The following TANGO2 variants were observed in gnomAD, a reference collection of about 807,000 sequenced individuals.
TANGO2 encodes transport and Golgi organization protein 2 homolog.
TANGO2 carries 26 observed loss-of-function variants against 39.1 expected under a neutral mutation model. That is an observed-to-expected ratio of 0.67 (90% CI 0.49 to 0.92). The LOEUF (loss-of-function observed/expected upper bound fraction) is 0.92. TANGO2 is among the 40% of genes least tolerant of loss of function. TANGO2 has a pLI of 0.00. For missense variants in TANGO2, 326 were observed against 360.1 expected (o/e 0.91, Z 0.77); for synonymous variants, 131 against 144.5 (o/e 0.91, Z 0.67).
intron 6 of TANGO2, among the ~76,000 whole-genome samples, chr22:20,060,072 G>A (rs1004323664): frequency 2.6e-5 from 4 of 151,520 alleles, no homozygotes; most frequent in Admixed American, 6.6e-5. Flanking sequence ...CCTCCCAGCC[G>A]GGCGCGGTGG....
intron 3 of TANGO2, 23 bp downstream of exon 3, chr22:20,043,466 C>A: frequency 1.3e-6 from 2 of 1,554,220 alleles, no homozygotes; most frequent in Non-Finnish European, 1.8e-6. Context: ...GCGTGCTCAG[C>A]GGTGGCTGCG....
At chr22:20,041,186 G>T (rs1306258093) in intron 2 of TANGO2, among the ~76,000 whole-genome samples, 1 of 152,198 alleles carries the variant, frequency 6.6e-6, no homozygotes, top group Non-Finnish European at 1.5e-5. Context: ...TCGTTCTGTC[G>T]CCCAGGCTAG....
chr22:20,047,361 G>A (rs1180275422), intron 3 of TANGO2, among the ~76,000 whole-genome samples: 1 of 151,708 alleles, frequency 6.6e-6, no homozygotes. Flanking sequence ...AGCCTCCTGA[G>A]TAGCTGGGAT....
At chr22:20,054,297 G>A in intron 5 of TANGO2, 1 of 159,400 alleles carries the variant, frequency 6.3e-6, no homozygotes, top group Non-Finnish European at 1.4e-5. Flanking sequence ...CTGGTGCGGG[G>A]CACTTGCTGT....
chr22:20,047,120 C>G (rs1205555302), intron 3 of TANGO2, among the ~76,000 whole-genome samples: 1 of 152,120 alleles, frequency 6.6e-6, no homozygotes, highest in South Asian at 2.1e-4. Flanking sequence ...AGAGCTAGAA[C>G]TCATCACTGT....
chr22:20,063,499 G>A (rs2048762539), intron 8 of TANGO2, 57 bp downstream of exon 8: 2 of 1,488,626 alleles, frequency 1.3e-6, no homozygotes, highest in Non-Finnish European at 1.8e-6. Flanking sequence ...TCCCACGCTA[G>A]AGGGCCGGCA....
chr22:20,050,769 T>C (rs187006386), intron 3 of TANGO2, among the ~76,000 whole-genome samples: 94 of 151,906 alleles, frequency 6.2e-4, no homozygotes, highest in Admixed American at 9.8e-4. Flanking sequence ...TTAGTTCTAA[T>C]ACATCGGTTT....
intron 1 of TANGO2, among the ~76,000 whole-genome samples, chr22:20,025,189 T>A (rs1386632812): frequency 6.7e-6 from 1 of 149,844 alleles, no homozygotes; most frequent in Non-Finnish European, 1.5e-5. Context: ...CCTCTCAGGT[T>A]CAATGCGATT....
chr22:20,036,874 T>A lies in TANGO2; in HGVS notation c.56+20T>A. ...GTACAGGTAACCCCCTCGCTCTGCATCTGCTGCGCCCTGCAGGGTCCTGGG... is the reference window on the plus strand; with the variant it reads ...GTACAGGTAACCCCCTCGCTCTGCAACTGCTGCGCCCTGCAGGGTCCTGGG... On this transcript the variant is annotated intron_variant, in intron 2 of 8. Transcript: ENST00000327374. 1 of 1,614,238 alleles carries A rather than the reference T, an allele frequency of 6.2e-7. No individual in the cohort carries two copies. Among genetic ancestry groups the A allele is most frequent in the Non-Finnish European group, 8.5e-7 (1 of 1,180,038 alleles).
chr22:20,024,029 A>G (rs2040251558), intron 1 of TANGO2, among the ~76,000 whole-genome samples: 1 of 151,938 alleles, frequency 6.6e-6, no homozygotes, highest in African/African-American at 2.4e-5. Context: ...TAAAAACAAA[A>G]TACAAAAATT....
At chr22:20,040,204 G>A (rs538826086) in intron 2 of TANGO2, among the ~76,000 whole-genome samples, 34 of 152,194 alleles carry the variant, frequency 2.2e-4, no homozygotes, top group Non-Finnish European at 4.6e-4. Context: ...AGCTAAACAT[G>A]ACTGCTGGAA....
upstream of TANGO2, among the ~76,000 whole-genome samples, chr22:20,020,099 A>T (rs1209694558): frequency 6.6e-6 from 1 of 152,218 alleles, no homozygotes; most frequent in African/African-American, 2.4e-5. Flanking sequence ...GTTGAAGCTA[A>T]TGTGGCCTCT....
chr22:20,063,541 C>T, intron 8 of TANGO2, 99 bp downstream of exon 8: 1 of 1,085,134 alleles, frequency 9.2e-7, no homozygotes, highest in Non-Finnish European at 1.3e-6. Context: ...CAGAGCCAGG[C>T]TTCTTCCTCG....
intron 4 of TANGO2, 137 bp from the exon 5 acceptor site, chr22:20,053,300 C>T (rs989887636): frequency 1.8e-5 from 11 of 625,164 alleles, no homozygotes; most frequent in East Asian, 8.6e-5. Flanking sequence ...CTGACTCTTG[C>T]GGCAGTCATG....
At chr22:20,062,178 G>A (rs2048506103) in intron 7 of TANGO2, among the ~76,000 whole-genome samples, 1 of 152,202 alleles carries the variant, frequency 6.6e-6, no homozygotes, top group Non-Finnish European at 1.5e-5. Context: ...AACTGCCTGG[G>A]TGTAGGAGCT....
rs2049161946 is a variant in TANGO2 at position 20,066,079 on chromosome 22, C to G, written c.*1417C>G. 6.6e-6 allele frequency: 1 copy of G among 152,420 alleles called. No homozygotes were observed. The highest frequency in any genetic ancestry group is 1.5e-5 in the Non-Finnish European group (1 of 68,128). The allele number at this position is 152,420 out of a possible 1,614,324, so 9.4% of individuals were successfully genotyped here. ...GATGCCTGTGGGTCAGTCCATCTGTCCATGGGCAGGGGCCGCTGTGAGAGA... is the reference window on the plus strand; with the variant it reads ...GATGCCTGTGGGTCAGTCCATCTGTGCATGGGCAGGGGCCGCTGTGAGAGA... On this transcript the variant is annotated 3_prime_UTR_variant, in exon 9 of 9. Coordinates refer to ENST00000327374, the MANE Select transcript of TANGO2 (RefSeq NM_152906.7).
At chr22:20,041,461 C>T (rs1278201570) in intron 2 of TANGO2, among the ~76,000 whole-genome samples, 6 of 152,106 alleles carry the variant, frequency 3.9e-5, no homozygotes, top group Admixed American at 2.6e-4. Flanking sequence ...TACAGGCGCC[C>T]GCCACCACAC....
At chr22:20,034,535 T>C (rs1276445715) in intron 1 of TANGO2, among the ~76,000 whole-genome samples, 2 of 152,198 alleles carry the variant, frequency 1.3e-5, no homozygotes, top group Non-Finnish European at 2.9e-5. Context: ...TGTGCTTGGC[T>C]TGTGGGTCCT....
In TANGO2 at chr22:20,057,799, A is replaced by C. The variant is rs2047641680; in HGVS notation, c.451+1786A>C. On this transcript the variant is annotated intron_variant, in intron 6 of 8. Coordinates refer to ENST00000327374, the MANE Select transcript of TANGO2 (RefSeq NM_152906.7). This position sits in a 1 kb window ranked among gnomAD's most constrained non-coding sequence, Gnocchi z 4.1. ...CTGCCCAGGAGAGAATTGGAAACTA[A>C]AAGGTGCAAAAGCAGTCAGAGACTC... 6.6e-6 allele frequency among the ~76,000 whole-genome samples: 1 copy of C among 152,128 alleles called. No homozygotes were observed. The highest frequency in any genetic ancestry group is 1.5e-5 in the Non-Finnish European group (1 of 68,014).
Sources: gnomAD v4.1 joint callset for allele counts (sites outside exome capture counted in the v4.1 genomes callset) on GRCh38, gnomAD v4.1.1 for gene constraint, Gnocchi (gnomAD v3.1) non-coding constraint, MANE v1.5 for transcripts, NCBI Gene and HGNC (gene_info 2026-07-23, HGNC 2026-07-21) for gene names.